The following WDR72 variants were observed in gnomAD, a reference collection of about 807,000 sequenced individuals.
WDR72 encodes WD repeat-containing protein 72.
In WDR72, 120 loss-of-function variants were observed where a neutral mutation model predicts 124.2. The observed-to-expected ratio is 0.97, with a 90% CI of 0.83 to 1.12. The LOEUF is 1.12. Among genes scored for constraint, WDR72 ranks in the 50% most tolerant of loss-of-function variants. The pLI is 0.00. For missense variants in WDR72, 1,387 were observed against 1,278.8 expected, an observed-to-expected ratio of 1.08 and a Z score of -1.29; for synonymous variants, 452 against 441.7, an observed-to-expected ratio of 1.02 and a Z score of -0.29.
At chr15:53,749,487 A>C (rs2018724027) in intron 1 of WDR72, among the ~76,000 whole-genome samples, 1 of 152,070 alleles carries the variant, frequency 6.6e-6, no homozygotes, top group Admixed American at 6.5e-5. Flanking sequence ...CCCTCTCCTC[A>C]GTCTTCTCTG....
Position 53,743,630 on chromosome 15 carries a change from C to A in WDR72, c.-12-10469G>T, listed in dbSNP as rs574386004. Among the ~76,000 whole-genome samples, 13 of 152,118 alleles carry A rather than the reference C, an allele frequency of 8.5e-5. No individual in the cohort carries two copies. In the South Asian group the frequency reaches 2.7e-3, roughly 32 times the overall value. ...CAATGTTCCAAATCATTAGGATTTC[C>A]GGTTTTAATATTGATTTTTAAAGTA... On this transcript the variant is annotated intron_variant, in intron 1 of 19. Transcript: ENST00000360509.
intron 1 of WDR72, among the ~76,000 whole-genome samples, chr15:53,753,251 G>A (rs1031591105): frequency 6.6e-6 from 1 of 152,132 alleles, no homozygotes; most frequent in African/African-American, 2.4e-5. Flanking sequence ...TTTCCTCCTA[G>A]AATAAGCAAA....
intron 14 of WDR72, among the ~76,000 whole-genome samples, chr15:53,626,082 T>C (rs1304307357): frequency 6.6e-6 from 1 of 152,190 alleles, no homozygotes. Flanking sequence ...CCCAAGCTAC[T>C]GTTACCGGGG....
At chr15:53,738,739 T>C (rs2018426849) in intron 1 of WDR72, among the ~76,000 whole-genome samples, 1 of 152,166 alleles carries the variant, frequency 6.6e-6, no homozygotes, top group African/African-American at 2.4e-5. Flanking sequence ...TCCTGAGTAC[T>C]GGGATTACAG....
At chr15:53,518,680 G>A (rs958399842) in intron 19 of WDR72, among the ~76,000 whole-genome samples, 1 of 151,122 alleles carries the variant, frequency 6.6e-6, no homozygotes, top group African/African-American at 2.4e-5. Context: ...ATCATCATCA[G>A]CCATCTCCAA....
intron 6 of WDR72, 138 bp from the exon 7 acceptor site, chr15:53,713,029 T>C: frequency 1.0e-6 from 1 of 961,206 alleles, no homozygotes; most frequent in East Asian, 2.6e-5. Flanking sequence ...TTTGAGTGTT[T>C]TGAACTAAGA....
chr15:53,596,648 A>C (rs2140338812), intron 18 of WDR72, among the ~76,000 whole-genome samples: 1 of 152,304 alleles, frequency 6.6e-6, no homozygotes, highest in East Asian at 1.9e-4. Flanking sequence ...GCTTAACTTC[A>C]AAACATTGTT....
At chr15:53,663,082 C>T (rs965619928) in intron 14 of WDR72, among the ~76,000 whole-genome samples, 2 of 138,040 alleles carry the variant, frequency 1.4e-5, no homozygotes, top group East Asian at 4.6e-4. Flanking sequence ...AAATAAGACC[C>T]TGCCTCTAAA....
chr15:53,641,572 T>C (rs1004244375), intron 14 of WDR72, among the ~76,000 whole-genome samples: 1 of 151,978 alleles, frequency 6.6e-6, no homozygotes, highest in Non-Finnish European at 1.5e-5. Flanking sequence ...TATAGAGTTG[T>C]GAGTATGGAA....
chr15:53,608,585 T>C (rs2013390834), intron 17 of WDR72, among the ~76,000 whole-genome samples: 1 of 151,396 alleles, frequency 6.6e-6, no homozygotes, highest in Non-Finnish European at 1.5e-5. Context: ...CAAAACTCCA[T>C]CTCTTTAAAA....
chr15:53,716,632 A>C lies in WDR72; in HGVS notation c.314T>G (p.Leu105Arg), dbSNP rs773658690. 1.2e-6 allele frequency: 2 copies of C among 1,609,640 alleles called. No individual in the cohort carries two copies. The highest frequency in any genetic ancestry group is 1.7e-6 in the Non-Finnish European group (2 of 1,175,926). Residue 105 changes from leucine (L) to arginine (R), a missense_variant, in exon 4 of 20, where the codon CTT becomes CGT. By Grantham distance (102) the Leu-to-Arg change is moderately radical. Transcript: ENST00000360509. ...TNGQCMEKAT[L>R]PYRHTAICYY... is the part of the protein sequence containing the mutation. ...ACAGATTGCAGTGTGCCTGTAAGGAAGTGTAGCCTTCTCCATGCACTGTCC... is the reference window on the plus strand; with the variant it reads ...ACAGATTGCAGTGTGCCTGTAAGGACGTGTAGCCTTCTCCATGCACTGTCC...
Position 53,597,206 on chromosome 15 carries a change from T to C in WDR72, c.3021A>G (p.Ile1007Met). The change falls in exon 18 of 20, where the codon ATA becomes ATG. Residue 1007 changes from isoleucine to methionine, a missense_variant. Physicochemically the swap from Ile to Met is conservative, Grantham distance 10. Transcript: ENST00000360509. ...TGGACACTGGTTGACTATTGACGGG[T>C]ATCTTTCCCAAACTCTTCATGTGTT... Reference protein sequence around the residue: ...VQQHMKSLGKIPVNSQPVSMA... With the variant: ...VQQHMKSLGKMPVNSQPVSMA... 1 of 1,613,908 alleles carries C rather than the reference T, an allele frequency of 6.2e-7. No individual in the cohort carries two copies. Among genetic ancestry groups the C allele is most frequent in the Non-Finnish European group, 8.5e-7 (1 of 1,179,882 alleles).
At chr15:53,667,309 A>G (rs2015812452) in intron 13 of WDR72, among the ~76,000 whole-genome samples, 2 of 152,180 alleles carry the variant, frequency 1.3e-5, no homozygotes, top group South Asian at 4.1e-4. Context: ...AGCCAGGATC[A>G]CGCCACTGCA....
At position 53,523,128 on chromosome 15, in the gene WDR72, C is replaced by T. The variant is rs1273472145; in HGVS notation, c.3253+90G>A. 7.5e-6 allele frequency: 9 copies of T among 1,197,122 alleles called. No homozygotes were observed. In the South Asian group the frequency reaches 1.1e-4, roughly 15 times the overall value. The allele number at this position is 1,197,122 out of a possible 1,614,324, so 74.2% of individuals were successfully genotyped here. On this transcript the variant is annotated intron_variant, in intron 19 of 19. Coordinates refer to ENST00000360509, the MANE Select transcript of WDR72 (RefSeq NM_182758.4). ...CAGCTGCTAAGAGAAAACAGCATTA[C>T]AATGTCCTCTCCCCTCACCCCCTTC...
rs145624180 is a variant in WDR72 at position 53,683,433 on chromosome 15, A to G, written c.1765+16317T>C. Among the ~76,000 whole-genome samples the G allele has an allele frequency of 8.1e-3, 1,228 of 152,282 alleles. 21 individuals are homozygous for G. Among genetic ancestry groups the G allele is most frequent in the African/African-American group, 0.028 (1,162 of 41,550 alleles). On this transcript the variant is annotated intron_variant, in intron 13 of 19. Coordinates refer to ENST00000360509, the MANE Select transcript of WDR72 (RefSeq NM_182758.4). ...ATCATTACATATACTGGCATATAAG[A>G]AAGTATCACTTGTACCCCAGGAATA...
chr15:53,519,489 G>T (rs1049793723), intron 19 of WDR72, among the ~76,000 whole-genome samples: 7 of 152,078 alleles, frequency 4.6e-5, no homozygotes, highest in African/African-American at 1.7e-4. Flanking sequence ...ATAAATGCCA[G>T]TGAAGGAGCA....
intron 13 of WDR72, among the ~76,000 whole-genome samples, chr15:53,671,795 G>C (rs1046442468): frequency 6.6e-6 from 1 of 152,160 alleles, no homozygotes; most frequent in East Asian, 1.9e-4. Context: ...TGAATGTGAC[G>C]TGTTGTCTTG....
chr15:53,745,264 TTGAC>T (rs1360891079), intron 1 of WDR72, among the ~76,000 whole-genome samples: 1 of 152,172 alleles, frequency 6.6e-6, no homozygotes, highest in African/African-American at 2.4e-5. Context: ...ATGGAATGAA[TTGAC>T]TGGATGAGGC....
intron 13 of WDR72, among the ~76,000 whole-genome samples, chr15:53,671,860 C>T (rs888597451): frequency 6.7e-6 from 1 of 150,272 alleles, no homozygotes; most frequent in Non-Finnish European, 1.5e-5. Flanking sequence ...AGATGCTAGT[C>T]TAAAGATGAG....
Sources: gnomAD v4.1 joint callset for allele counts (sites outside exome capture counted in the v4.1 genomes callset) on GRCh38, gnomAD v4.1.1 for gene constraint, MANE v1.5 for transcripts, NCBI Gene and HGNC (gene_info 2026-07-23, HGNC 2026-07-21) for gene names.